The following SLCO6A1 variants were observed in gnomAD, a reference collection of about 807,000 sequenced individuals.
SLCO6A1 encodes the protein cancer/testis antigen 48.
Under a neutral mutation model 72.7 loss-of-function variants are expected in SLCO6A1, and 65 were observed. That is an observed-to-expected ratio of 0.89 (90% CI 0.73 to 1.10). The LOEUF is 1.10. Among genes scored for constraint, SLCO6A1 ranks in the 50% least tolerant of loss-of-function variants. The pLI is 0.00. For synonymous variants in SLCO6A1, 314 were observed against 298.2 expected, an observed-to-expected ratio of 1.05 and a Z score of -0.55; for missense variants, 874 against 872.6, an observed-to-expected ratio of 1.00 and a Z score of -0.02.
chr5:102,378,045 ACAAG>A (rs1745902589), intron 12 of SLCO6A1, among the ~76,000 whole-genome samples: 1 of 151,634 alleles, frequency 6.6e-6, no homozygotes, highest in Non-Finnish European at 1.5e-5. Flanking sequence ...CTTTTAATAA[ACAAG>A]GTATTAATTT....
chr5:102,427,804 A>G lies in SLCO6A1; in HGVS notation c.1277-7783T>C, dbSNP rs369716218. On this transcript the variant is annotated intron_variant, in intron 7 of 13. Coordinates refer to ENST00000506729, the MANE Select transcript of SLCO6A1 (RefSeq NM_173488.5). The stretch of plus-strand genomic sequence containing the variant: ...GTTTATAAAAGGGGAAACTGGGTGT[A>G]CAGTATGTGGAAACCCCCTCTCTCT... Among the ~76,000 whole-genome samples, 4 of 149,078 alleles carry G rather than the reference A, an allele frequency of 2.7e-5. No homozygotes were observed. In the South Asian group the frequency reaches 8.4e-4, roughly 31 times the overall value.
At chr5:102,448,800 G>A (rs905728342) in intron 6 of SLCO6A1, among the ~76,000 whole-genome samples, 1 of 152,144 alleles carries the variant, frequency 6.6e-6, no homozygotes, top group Admixed American at 6.6e-5. Context: ...ATAGCATACA[G>A]TTAGGTCTTG....
intron 6 of SLCO6A1, among the ~76,000 whole-genome samples, chr5:102,455,240 C>G (rs4085107): frequency 0.65 from 98,008 of 151,404 alleles, 31,917 homozygotes; most frequent in African/African-American, 0.67. Flanking sequence ...ATGTGGAGGA[C>G]AGAGGGATAA....
At chr5:102,496,931 C>A (rs1334914662) in intron 1 of SLCO6A1, among the ~76,000 whole-genome samples, 2 of 152,182 alleles carry the variant, frequency 1.3e-5, no homozygotes, top group Non-Finnish European at 2.9e-5. Flanking sequence ...AAAACTGTAC[C>A]TACTATAAAG....
intron 4 of SLCO6A1, 55 bp from the exon 5 acceptor site, chr5:102,459,832 A>AAACC: frequency 6.9e-7 from 1 of 1,453,480 alleles, no homozygotes; most frequent in Non-Finnish European, 9.2e-7. Context: ...GATTACAACA[A>AAACC]AACCATAATC....
chr5:102,389,877 T>C (rs147808225), intron 11 of SLCO6A1, among the ~76,000 whole-genome samples: 1 of 152,000 alleles, frequency 6.6e-6, no homozygotes, highest in Non-Finnish European at 1.5e-5. Context: ...TCAGCAGAGT[T>C]ACCTTTTACT....
At chr5:102,476,491 T>G (rs1751908551) in intron 3 of SLCO6A1, among the ~76,000 whole-genome samples, 1 of 152,116 alleles carries the variant, frequency 6.6e-6, no homozygotes. Flanking sequence ...TTGCTCAAAA[T>G]CTGCTGATTG....
At chr5:102,469,565 C>T (rs111819217) in intron 4 of SLCO6A1, among the ~76,000 whole-genome samples, 8,274 of 152,114 alleles carry the variant, frequency 0.054, 746 homozygotes, top group African/African-American at 0.19. Flanking sequence ...TGGGCTGAGA[C>T]GACGGGGTTT....
intron 1 of SLCO6A1, among the ~76,000 whole-genome samples, chr5:102,487,008 A>G (rs778220502): frequency 1.3e-5 from 2 of 152,186 alleles, no homozygotes; most frequent in Non-Finnish European, 2.9e-5. Context: ...TTATCTAACA[A>G]TTTGAAAAAC....
intron 12 of SLCO6A1, among the ~76,000 whole-genome samples, chr5:102,379,688 C>G (rs1344490487): frequency 6.6e-6 from 1 of 150,566 alleles, no homozygotes; most frequent in Non-Finnish European, 1.5e-5. Flanking sequence ...AGCATATATT[C>G]CTCAATTTTG....
At chr5:102,437,999 C>T (rs892752559) in intron 7 of SLCO6A1, among the ~76,000 whole-genome samples, 1 of 152,046 alleles carries the variant, frequency 6.6e-6, no homozygotes, top group Non-Finnish European at 1.5e-5. Flanking sequence ...TACACAATAG[C>T]AATTTCCCTT....
intron 8 of SLCO6A1, among the ~76,000 whole-genome samples, chr5:102,416,851 C>A (rs1748314030): frequency 6.6e-6 from 1 of 152,152 alleles, no homozygotes; most frequent in Non-Finnish European, 1.5e-5. Flanking sequence ...GCCATTTCTA[C>A]AAATGTCAAT....
chr5:102,408,426 T>C (rs1408464182), intron 9 of SLCO6A1, among the ~76,000 whole-genome samples: 1 of 152,098 alleles, frequency 6.6e-6, no homozygotes, highest in African/African-American at 2.4e-5. Flanking sequence ...TTTCAACCGA[T>C]AGACCTGAAT....
At chr5:102,403,021 T>A (rs984265025) in intron 9 of SLCO6A1, among the ~76,000 whole-genome samples, 1 of 152,198 alleles carries the variant, frequency 6.6e-6, no homozygotes, top group Admixed American at 6.5e-5. Flanking sequence ...AAATATGACC[T>A]AGAATAATGT....
chr5:102,386,538 T>C (rs997005897), intron 12 of SLCO6A1, among the ~76,000 whole-genome samples: 1 of 151,960 alleles, frequency 6.6e-6, no homozygotes, highest in Non-Finnish European at 1.5e-5. Flanking sequence ...AGGGGACAGG[T>C]CTGGAACTTG....
At chr5:102,444,656 A>T (rs1423208680) in intron 6 of SLCO6A1, among the ~76,000 whole-genome samples, 1 of 152,180 alleles carries the variant, frequency 6.6e-6, no homozygotes. Flanking sequence ...TTTTCAGAAA[A>T]AACAGTTTAT....
At chr5:102,414,365 A>C (rs1163083069) in intron 8 of SLCO6A1, among the ~76,000 whole-genome samples, 1 of 152,196 alleles carries the variant, frequency 6.6e-6, no homozygotes, top group African/African-American at 2.4e-5. Flanking sequence ...TCAAAATAGT[A>C]CTGGAAGTCC....
intron 12 of SLCO6A1, among the ~76,000 whole-genome samples, chr5:102,376,426 G>T (rs10042901): frequency 0.34 from 51,091 of 151,548 alleles, 8,759 homozygotes; most frequent in Middle Eastern, 0.37. Context: ...TTAAGAAAAA[G>T]ATCACCAATG....
At position 102,397,842 on chromosome 5, in the gene SLCO6A1, G is replaced by A. The variant is rs149520688; in HGVS notation, c.1814+1713C>T. ...CAACTTTGTCATTTTTTTGTTCTATGTCATAATTGTACTGAAACTATAGTG... is the reference window on the plus strand; with the variant it reads ...CAACTTTGTCATTTTTTTGTTCTATATCATAATTGTACTGAAACTATAGTG... On this transcript the variant is annotated intron_variant, in intron 10 of 13. Coordinates refer to ENST00000506729, the MANE Select transcript of SLCO6A1 (RefSeq NM_173488.5). Among the ~76,000 whole-genome samples, 702 of 152,080 alleles carry A rather than the reference G, an allele frequency of 4.6e-3. 4 individuals carry two copies. Among genetic ancestry groups the A allele is most frequent in the African/African-American group, 0.016 (675 of 41,514 alleles).
Sources: allele counts gnomAD v4.1 joint callset (sites outside exome capture counted in the v4.1 genomes callset), GRCh38; gene constraint gnomAD v4.1.1; transcripts MANE v1.5; gene names NCBI Gene and HGNC (gene_info 2026-07-23, HGNC 2026-07-21).